The following PIP5K1B variants were observed in gnomAD, a reference collection of about 807,000 sequenced individuals.
The protein encoded by PIP5K1B is phosphatidylinositol-4-phosphate 5-kinase type 1 beta.
Under a neutral mutation model 67.0 loss-of-function variants are expected in PIP5K1B, and 42 were observed. The observed-to-expected ratio is 0.63, with a 90% confidence interval of 0.49 to 0.81. The LOEUF is 0.81. PIP5K1B is among the 30% of genes least tolerant of loss of function. PIP5K1B has a pLI of 0.00. For synonymous variants in PIP5K1B, 214 were observed against 231.4 expected (o/e 0.92, Z 0.68); for missense variants, 459 against 646.3 (o/e 0.71, Z 3.14).
intron 4 of PIP5K1B, among the ~76,000 whole-genome samples, chr9:68,832,098 GA>G (rs1369395695): frequency 6.6e-6 from 1 of 152,176 alleles, no homozygotes; most frequent in Non-Finnish European, 1.5e-5. Flanking sequence ...ACTTTTTCTA[GA>G]AAGTATGTAG....
intron 15 of PIP5K1B, among the ~76,000 whole-genome samples, chr9:68,994,549 A>G (rs548541102): frequency 6.6e-6 from 1 of 152,242 alleles, no homozygotes; most frequent in Admixed American, 6.5e-5. Flanking sequence ...CTTGATATAT[A>G]TAACACATCA....
intron 2 of PIP5K1B, among the ~76,000 whole-genome samples, chr9:68,817,312 T>C (rs1157570038): frequency 3.9e-5 from 6 of 152,218 alleles, no homozygotes; most frequent in Non-Finnish European, 7.3e-5. Flanking sequence ...CGGAAAGAAA[T>C]GTAGCAATAG....
At chr9:68,996,139 A>G (rs1037497153) in intron 15 of PIP5K1B, among the ~76,000 whole-genome samples, 7 of 152,254 alleles carry the variant, frequency 4.6e-5, no homozygotes, top group African/African-American at 1.7e-4. Flanking sequence ...GTTTAAACCC[A>G]AATGACGTAT....
chr9:69,002,953 A>G (rs972712419), intron 15 of PIP5K1B, among the ~76,000 whole-genome samples: 3 of 152,236 alleles, frequency 2.0e-5, no homozygotes, highest in Non-Finnish European at 1.5e-5. Context: ...GTTGCTCTCC[A>G]GCCTGGGTGA....
At chr9:68,756,879 A>C (rs1213593183) in intron 2 of PIP5K1B, among the ~76,000 whole-genome samples, 2 of 152,202 alleles carry the variant, frequency 1.3e-5, no homozygotes, top group African/African-American at 2.4e-5. Flanking sequence ...TATGTAGCCT[A>C]ATATATCAAG....
intron 12 of PIP5K1B, among the ~76,000 whole-genome samples, chr9:68,928,961 G>A (rs113606930): frequency 2.0e-5 from 3 of 152,042 alleles, no homozygotes; most frequent in African/African-American, 7.2e-5. Context: ...TCAGGAGTTC[G>A]AGACCAGCCT....
chr9:68,999,601 A>G (rs777527178), intron 15 of PIP5K1B, among the ~76,000 whole-genome samples: 6 of 152,192 alleles, frequency 3.9e-5, no homozygotes, highest in Non-Finnish European at 7.4e-5. Context: ...CAGAGCTGAG[A>G]TCCCCTGAGC....
intron 8 of PIP5K1B, among the ~76,000 whole-genome samples, chr9:68,907,956 G>C (rs546025667): frequency 1.3e-5 from 2 of 152,324 alleles, no homozygotes; most frequent in African/African-American, 4.8e-5. Context: ...TGAAGGGTAA[G>C]TACTTTTTTC....
chr9:68,864,208 T>C (rs1823249776), intron 5 of PIP5K1B, among the ~76,000 whole-genome samples: 1 of 152,224 alleles, frequency 6.6e-6, no homozygotes, highest in Non-Finnish European at 1.5e-5. Context: ...TTAGTTGTGA[T>C]GAATGCCTGG....
chr9:68,935,001 A>G lies in PIP5K1B; in HGVS notation c.1313A>G (p.Asp438Gly). Residue 438 changes from aspartate to glycine, a missense_variant, in exon 13 of 16, where the codon GAT becomes GGT. Physicochemically the swap from Asp to Gly is moderately conservative, Grantham distance 94 (BLOSUM62 -1). Transcript: ENST00000265382. ...ISQEWKDEKR[D>G]LLTEGQSFSS... ...CAGGAATGGAAGGATGAGAAGCGGG[A>G]TTTGCTGACTGAAGGACAAAGTTTT... 1 of 1,613,812 alleles carries G rather than the reference A, an allele frequency of 6.2e-7. No homozygotes were observed. The highest frequency in any genetic ancestry group is 8.5e-7 in the Non-Finnish European group (1 of 1,179,796).
In PIP5K1B at chr9:69,007,585, A is replaced by T. The variant is rs11144747; in HGVS notation, c.1621-862A>T. The stretch of plus-strand genomic sequence containing the variant: ...AATAATTAGGAAATCAGGCCGGGTG[A>T]GGTGGCTCACGCCTGTAATCCCAGC... On this transcript the variant is annotated intron_variant, in intron 15 of 15. Coordinates refer to ENST00000265382, the MANE Select transcript of PIP5K1B (RefSeq NM_003558.4). Among the ~76,000 whole-genome samples the T allele has an allele frequency of 7.8e-3, 1,191 of 152,162 alleles. 6 individuals carry two copies. Among genetic ancestry groups the T allele is most frequent in the South Asian group, 0.021 (100 of 4,826 alleles).
chr9:68,870,119 A>G (rs1823560183), intron 5 of PIP5K1B, among the ~76,000 whole-genome samples: 1 of 152,202 alleles, frequency 6.6e-6, no homozygotes, highest in Non-Finnish European at 1.5e-5. Context: ...TGCACTGGAT[A>G]TTATACAATA....
chr9:68,764,074 CTTTTTTTTTT>C (rs72304177), intron 2 of PIP5K1B, among the ~76,000 whole-genome samples: 3 of 73,548 alleles, frequency 4.1e-5, no homozygotes, highest in Middle Eastern at 8.9e-3. Flanking sequence ...ACTATAACTT[CTTTTTTTTTT>C]TTTTTTTTTT....
At chr9:69,008,388 G>A in intron 15 of PIP5K1B, 59 bp from the exon 16 acceptor site, 1 of 1,538,176 alleles carries the variant, frequency 6.5e-7, no homozygotes, top group Admixed American at 1.7e-5. Flanking sequence ...GACTCATGGG[G>A]AGAGGTTACA....
At chr9:69,000,563 C>G (rs1358779812) in intron 15 of PIP5K1B, among the ~76,000 whole-genome samples, 1 of 152,116 alleles carries the variant, frequency 6.6e-6, no homozygotes, top group Non-Finnish European at 1.5e-5. Context: ...TCTGTTCTAG[C>G]CTTTCGCTGG....
At chr9:68,961,757 T>G (rs943257847) in intron 14 of PIP5K1B, among the ~76,000 whole-genome samples, 1 of 152,212 alleles carries the variant, frequency 6.6e-6, no homozygotes, top group Non-Finnish European at 1.5e-5. Flanking sequence ...TATTTTCAGT[T>G]GGTCCCTTAT....
At chr9:68,948,709 C>A (rs1238246288) in intron 14 of PIP5K1B, among the ~76,000 whole-genome samples, 1 of 33,202 alleles carries the variant, frequency 3.0e-5, no homozygotes, top group African/African-American at 5.6e-5. Context: ...TTCCTCCCCA[C>A]CCCCAGAAAA....
At chr9:68,967,025 C>T (rs1002710433) in intron 14 of PIP5K1B, among the ~76,000 whole-genome samples, 12 of 152,078 alleles carry the variant, frequency 7.9e-5, no homozygotes, top group African/African-American at 2.9e-4. Context: ...CCATAGAATC[C>T]CAATCCATAT....
intron 4 of PIP5K1B, among the ~76,000 whole-genome samples, chr9:68,835,248 A>G (rs1834540538): frequency 6.6e-6 from 1 of 152,234 alleles, no homozygotes; most frequent in African/African-American, 2.4e-5. Flanking sequence ...CTTAGGACCC[A>G]GAAACAGGCA....
Sources: allele counts gnomAD v4.1 joint callset (sites outside exome capture counted in the v4.1 genomes callset), GRCh38; gene constraint gnomAD v4.1.1; transcripts MANE v1.5; gene names NCBI Gene and HGNC (gene_info 2026-07-23, HGNC 2026-07-21).